Variants in CERS6 observed in about 807,000 individuals in gnomAD.
The protein encoded by CERS6 is LAG1 homolog, ceramide synthase 6.
CERS6 carries 26 observed loss-of-function variants against 56.8 expected under a neutral mutation model. That is an observed-to-expected ratio of 0.46 (90% confidence interval 0.34 to 0.63). CERS6 has a LOEUF of 0.63. CERS6 is among the 30% of genes least tolerant of loss of function. The probability of loss-of-function intolerance (pLI) is 0.01; values close to 1 mark genes in which losing one functional copy is unlikely to be tolerated. For missense variants in CERS6, 415 were observed against 467.5 expected, an observed-to-expected ratio of 0.89 and a Z score of 1.04; for synonymous variants, 164 against 173.3, an observed-to-expected ratio of 0.95 and a Z score of 0.42.
chr2:168,620,921 C>T (rs903398491), intron 3 of CERS6, among the ~76,000 whole-genome samples: 1 of 151,998 alleles, frequency 6.6e-6, no homozygotes, highest in Non-Finnish European at 1.5e-5. Flanking sequence ...TGTCACCAAG[C>T]CAGGCTAATT....
At chr2:168,565,052 A>G (rs1287860967) in intron 3 of CERS6, among the ~76,000 whole-genome samples, 1 of 152,212 alleles carries the variant, frequency 6.6e-6, no homozygotes, top group East Asian at 1.9e-4. Flanking sequence ...CTTAGCATAA[A>G]ATTTGTCTAG....
intron 6 of CERS6, among the ~76,000 whole-genome samples, chr2:168,703,814 C>A (rs1686864962): frequency 6.6e-6 from 1 of 152,140 alleles, no homozygotes; most frequent in Non-Finnish European, 1.5e-5. Flanking sequence ...ATTGGAATTG[C>A]AATATTCTGC....
At chr2:168,500,378 G>A (rs1016727792) in intron 1 of CERS6, among the ~76,000 whole-genome samples, 7 of 152,200 alleles carry the variant, frequency 4.6e-5, no homozygotes, top group African/African-American at 1.7e-4. Context: ...CCATAAAGTT[G>A]ACAAGGAATG....
intron 1 of CERS6, among the ~76,000 whole-genome samples, chr2:168,460,847 G>A (rs1187996704): frequency 2.0e-5 from 3 of 152,126 alleles, no homozygotes; most frequent in Non-Finnish European, 4.4e-5. Flanking sequence ...GCCCAAGAAT[G>A]ATCTGCTGTC....
intron 4 of CERS6, among the ~76,000 whole-genome samples, chr2:168,641,088 A>G (rs557941606): frequency 4.6e-5 from 7 of 152,170 alleles, no homozygotes; most frequent in Non-Finnish European, 7.4e-5. Flanking sequence ...TGGCCAGCAG[A>G]ACTTAACCAC....
intron 1 of CERS6, among the ~76,000 whole-genome samples, chr2:168,502,101 G>A (rs1694593372): frequency 6.6e-6 from 1 of 152,080 alleles, no homozygotes; most frequent in Non-Finnish European, 1.5e-5. Context: ...ACATTGCGAA[G>A]TTTGTATACC....
chr2:168,522,967 G>C (rs1695007941), intron 1 of CERS6, among the ~76,000 whole-genome samples: 1 of 152,216 alleles, frequency 6.6e-6, no homozygotes, highest in Non-Finnish European at 1.5e-5. Flanking sequence ...TGAATAAATA[G>C]TCAAACATTT....
At chr2:168,736,600 G>A (rs1215137439) in intron 8 of CERS6, among the ~76,000 whole-genome samples, 7 of 152,340 alleles carry the variant, frequency 4.6e-5, no homozygotes, top group South Asian at 2.1e-4. Flanking sequence ...GTGCCTGGCC[G>A]TAGGTGGGCC....
chr2:168,650,892 A>G (rs1372347137), intron 4 of CERS6, among the ~76,000 whole-genome samples: 1 of 151,942 alleles, frequency 6.6e-6, no homozygotes, highest in African/African-American at 2.4e-5. Context: ...TATCAGCATT[A>G]CTCTTCTTGA....
intron 6 of CERS6, among the ~76,000 whole-genome samples, chr2:168,703,980 C>T (rs1686869654): frequency 6.6e-6 from 1 of 152,174 alleles, no homozygotes; most frequent in South Asian, 2.1e-4. Context: ...AAGCCAGTAC[C>T]ATGTGCAGAC....
intron 4 of CERS6, among the ~76,000 whole-genome samples, chr2:168,679,432 A>G (rs1686153321): frequency 6.6e-6 from 1 of 152,236 alleles, no homozygotes; most frequent in Non-Finnish European, 1.5e-5. Context: ...ATTGTACTCC[A>G]TAAGTATGTA....
At chr2:168,703,801 A>G (rs535504051) in intron 6 of CERS6, among the ~76,000 whole-genome samples, 1 of 152,208 alleles carries the variant, frequency 6.6e-6, no homozygotes, top group South Asian at 2.1e-4. Flanking sequence ...GCAACTTCTC[A>G]TGATTGGAAT....
intron 1 of CERS6, among the ~76,000 whole-genome samples, chr2:168,483,581 A>G (rs1037055307): frequency 6.6e-6 from 1 of 152,158 alleles, no homozygotes; most frequent in Non-Finnish European, 1.5e-5. Flanking sequence ...CTTGCATGGT[A>G]GGGAAGCAGG....
At chr2:168,586,246 A>G (rs1012926709) in intron 3 of CERS6, among the ~76,000 whole-genome samples, 4 of 151,672 alleles carry the variant, frequency 2.6e-5, no homozygotes, top group Non-Finnish European at 5.9e-5. Context: ...GAAGCTTACC[A>G]TGTGTAGTGC....
At chr2:168,609,394 C>T (rs1004792260) in intron 3 of CERS6, among the ~76,000 whole-genome samples, 3 of 152,132 alleles carry the variant, frequency 2.0e-5, no homozygotes, top group African/African-American at 2.4e-5. Context: ...AAAGTATGAA[C>T]ATTGATGTGC....
chr2:168,468,562 T>TA (rs1284874656), intron 1 of CERS6, among the ~76,000 whole-genome samples: 1 of 152,204 alleles, frequency 6.6e-6, no homozygotes, highest in African/African-American at 2.4e-5. Flanking sequence ...GGGCAATGCC[T>TA]AGCTCAGTGA....
intron 3 of CERS6, among the ~76,000 whole-genome samples, chr2:168,626,327 G>A (rs907382481): frequency 3.3e-5 from 5 of 152,136 alleles, no homozygotes; most frequent in African/African-American, 9.7e-5. Context: ...GTGCTGAGTC[G>A]TGCGGGGTGG....
intron 1 of CERS6, among the ~76,000 whole-genome samples, chr2:168,490,720 CGA>C (rs141176702): frequency 0.043 from 6,538 of 150,316 alleles, 264 homozygotes; most frequent in African/African-American, 0.1. Context: ...TTTTAAAAAG[CGA>C]GAGAGAGAGA....
intron 1 of CERS6, among the ~76,000 whole-genome samples, chr2:168,510,093 T>TAAAA (rs10629640): frequency 0.018 from 2,508 of 139,958 alleles, 41 homozygotes; most frequent in African/African-American, 0.047. Context: ...TAATAATTGG[T>TAAAA]AAAAAAAAAA....
Sources: allele counts gnomAD v4.1 joint callset (sites outside exome capture counted in the v4.1 genomes callset), GRCh38; gene constraint gnomAD v4.1.1; transcripts MANE v1.5; gene names NCBI Gene and HGNC (gene_info 2026-07-23, HGNC 2026-07-21).